Variants in NELL1 observed in about 807,000 individuals in gnomAD.
The protein encoded by NELL1 is protein kinase C-binding protein NELL1.
Under a neutral mutation model 107.4 loss-of-function variants are expected in NELL1, and 76 were observed. The observed-to-expected ratio is 0.71, with a 90% CI of 0.59 to 0.86. The LOEUF is 0.86. Ranked by LOEUF, NELL1 falls within the 40% of genes least tolerant of loss-of-function variation. The probability of loss-of-function intolerance (pLI) is 0.00; values close to 1 mark genes in which losing one functional copy is unlikely to be tolerated. For synonymous variants in NELL1, 353 were observed against 341.2 expected, an observed-to-expected ratio of 1.03 and a Z score of -0.38; for missense variants, 1,024 against 1,005.5, an observed-to-expected ratio of 1.02 and a Z score of -0.25.
At chr11:21,222,274 G>A (rs1273758769) in intron 13 of NELL1, among the ~76,000 whole-genome samples, 1 of 152,046 alleles carries the variant, frequency 6.6e-6, no homozygotes, top group Admixed American at 6.6e-5. Flanking sequence ...CTGCCTCCCA[G>A]GTTCACACCA....
intron 15 of NELL1, among the ~76,000 whole-genome samples, chr11:21,434,715 T>G (rs1310305161): frequency 6.6e-6 from 1 of 152,118 alleles, no homozygotes; most frequent in African/African-American, 2.4e-5. Flanking sequence ...ATTTTAAGAT[T>G]TTTTTTCTGC....
At chr11:21,529,725 T>A (rs1451286046) in intron 15 of NELL1, among the ~76,000 whole-genome samples, 2 of 152,088 alleles carry the variant, frequency 1.3e-5, no homozygotes, top group Non-Finnish European at 2.9e-5. Flanking sequence ...GTTGATATTA[T>A]TATATATATT....
rs72948166 is a variant in NELL1 at position 21,072,992 on chromosome 11, T to G, written c.1301-40597T>G. Among the ~76,000 whole-genome samples the G allele has an allele frequency of 9.2e-3, 1,408 of 152,262 alleles. 13 individuals are homozygous for G. The highest frequency in any genetic ancestry group is 0.015 in the Non-Finnish European group (1,037 of 68,004). ...TTAATCTAGCTTGCTCTTTCTTCCT[T>G]CATTTCCCCATCGTTTATAATAGCA... is the stretch of plus-strand genomic sequence containing the variant. On this transcript the variant is annotated intron_variant, in intron 12 of 19. Transcript: ENST00000357134.
intron 12 of NELL1, among the ~76,000 whole-genome samples, chr11:21,021,814 A>G (rs1200176973): frequency 6.6e-6 from 1 of 152,094 alleles, no homozygotes; most frequent in Non-Finnish European, 1.5e-5. Flanking sequence ...GCTGACCCTC[A>G]ATTAAACTGT....
At chr11:21,448,408 C>G (rs1853496252) in intron 15 of NELL1, among the ~76,000 whole-genome samples, 1 of 152,142 alleles carries the variant, frequency 6.6e-6, no homozygotes, top group Non-Finnish European at 1.5e-5. Flanking sequence ...ATATTTTCAA[C>G]TTGCTAACTA....
intron 3 of NELL1, among the ~76,000 whole-genome samples, chr11:20,839,928 G>A (rs1442945041): frequency 6.6e-6 from 1 of 152,200 alleles, no homozygotes; most frequent in East Asian, 1.9e-4. Context: ...TATCTGATTT[G>A]TGAAAGAACC....
chr11:21,296,883 G>C (rs911108718), intron 14 of NELL1, among the ~76,000 whole-genome samples: 18 of 151,316 alleles, frequency 1.2e-4, no homozygotes, highest in African/African-American at 3.6e-4. Context: ...ATATAATATA[G>C]TCCATGAAAT....
chr11:21,111,879 C>A (rs1472012785), intron 12 of NELL1, among the ~76,000 whole-genome samples: 2 of 152,070 alleles, frequency 1.3e-5, no homozygotes, highest in Admixed American at 1.3e-4. Context: ...TTCTTGTTTC[C>A]AGCCTCTCAC....
chr11:20,755,554 TTGTTTTTG>T (rs1554914186), intron 2 of NELL1, among the ~76,000 whole-genome samples: 861 of 16,854 alleles, frequency 0.051, 12 homozygotes, highest in Middle Eastern at 0.1. Flanking sequence ...TTTTTTGTTT[TTGTTTTTG>T]TTTTTTTTTT....
chr11:21,316,196 AGCT>A (rs1037153539), intron 14 of NELL1, among the ~76,000 whole-genome samples: 10 of 152,020 alleles, frequency 6.6e-5, no homozygotes, highest in African/African-American at 2.4e-4. Context: ...TGATTTTTAA[AGCT>A]GCTAATACCC....
chr11:20,855,155 T>G (rs1848859725), intron 4 of NELL1, among the ~76,000 whole-genome samples: 1 of 152,194 alleles, frequency 6.6e-6, no homozygotes, highest in Non-Finnish European at 1.5e-5. Context: ...TATTTCTAAT[T>G]TTTAAGAACC....
At chr11:20,682,043 C>A (rs778407838) in intron 2 of NELL1, among the ~76,000 whole-genome samples, 1 of 151,982 alleles carries the variant, frequency 6.6e-6, no homozygotes, top group Non-Finnish European at 1.5e-5. Context: ...TCTGCAAAAT[C>A]TTTTTTTGCC....
chr11:21,518,092 A>G (rs1257724308), intron 15 of NELL1, among the ~76,000 whole-genome samples: 3 of 151,772 alleles, frequency 2.0e-5, no homozygotes, highest in African/African-American at 7.3e-5. Flanking sequence ...CTATCTGTTA[A>G]GAGTTCTTGA....
chr11:21,255,835 C>T (rs944571523), intron 14 of NELL1, among the ~76,000 whole-genome samples: 10 of 152,018 alleles, frequency 6.6e-5, no homozygotes, highest in South Asian at 4.1e-4. Flanking sequence ...TGGGGAACAC[C>T]TCTTGCTTTG....
intron 2 of NELL1, among the ~76,000 whole-genome samples, chr11:20,697,373 G>A (rs1402669921): frequency 1.0e-4 from 15 of 149,446 alleles, no homozygotes; most frequent in Non-Finnish European, 7.4e-5. Flanking sequence ...ATATGCATGA[G>A]TGCAAATTCT....
chr11:21,360,720 A>G (rs1438983941), intron 14 of NELL1, among the ~76,000 whole-genome samples: 1 of 152,036 alleles, frequency 6.6e-6, no homozygotes, highest in Non-Finnish European at 1.5e-5. Context: ...ATCTTTATAT[A>G]ATGTTCCTCT....
chr11:21,012,079 A>G (rs928489865), intron 12 of NELL1, among the ~76,000 whole-genome samples: 1 of 152,034 alleles, frequency 6.6e-6, no homozygotes, highest in Non-Finnish European at 1.5e-5. Context: ...TGGCTTCCAT[A>G]TTAAGAGTCC....
At chr11:21,175,712 A>T (rs1397719144) in intron 13 of NELL1, among the ~76,000 whole-genome samples, 1 of 151,906 alleles carries the variant, frequency 6.6e-6, no homozygotes, top group Non-Finnish European at 1.5e-5. Flanking sequence ...GAAGCTTCAG[A>T]TCATCATGAC....
At chr11:21,003,370 CAA>C (rs1354041973) in intron 12 of NELL1, among the ~76,000 whole-genome samples, 1 of 152,138 alleles carries the variant, frequency 6.6e-6, no homozygotes, top group East Asian at 1.9e-4. Flanking sequence ...AGAACAAACT[CAA>C]AGTGCATCAA....
Sources: gnomAD v4.1 joint callset for allele counts (sites outside exome capture counted in the v4.1 genomes callset) on GRCh38, gnomAD v4.1.1 for gene constraint, MANE v1.5 for transcripts, NCBI Gene and HGNC (gene_info 2026-07-23, HGNC 2026-07-21) for gene names.